Variants in DHTKD1 observed in about 807,000 individuals in gnomAD.
DHTKD1 encodes the protein dehydrogenase E1 and transketolase domain containing 1, also known as 2-oxoadipate dehydrogenase complex component E1.
DHTKD1 carries 78 observed loss-of-function variants against 101.8 expected under a neutral mutation model. The ratio of observed to expected loss-of-function variants is 0.77; its 90% CI spans 0.64 to 0.93. The LOEUF is 0.93. Among genes scored for constraint, DHTKD1 ranks in the 40% least tolerant of loss-of-function variants. The probability of loss-of-function intolerance (pLI) is 0.00; values close to 1 mark genes in which losing one functional copy is unlikely to be tolerated. For synonymous variants in DHTKD1, 462 were observed against 450.3 expected (o/e 1.03, Z -0.33); for missense variants, 1,223 against 1,161.7 (o/e 1.05, Z -0.77).
intron 6 of DHTKD1, 147 bp from the exon 7 acceptor site, chr10:12,093,926 G>C: frequency 1.5e-6 from 1 of 685,926 alleles, no homozygotes; most frequent in Admixed American, 2.4e-5. Context: ...GAACTTGCCA[G>C]CTGGTCTCCA....
intron 1 of DHTKD1, among the ~76,000 whole-genome samples, chr10:12,071,624 G>A (rs12268704): frequency 0.028 from 4,311 of 151,808 alleles, 211 homozygotes; most frequent in African/African-American, 0.099. Context: ...ACAAAAATTA[G>A]CTGGGTGTGG....
intron 4 of DHTKD1, 86 bp from the exon 5 acceptor site, chr10:12,088,900 T>G (rs1832943755): frequency 7.7e-7 from 1 of 1,298,912 alleles, no homozygotes; most frequent in African/African-American, 1.5e-5. Flanking sequence ...TTTTCTTTTT[T>G]GTTGTATGAT....
chr10:12,069,518 CTTTTT>C (rs10691718), intron 1 of DHTKD1, among the ~76,000 whole-genome samples: 45 of 81,520 alleles, frequency 5.5e-4, no homozygotes, highest in East Asian at 7.1e-4. Flanking sequence ...TTTTTGTTTC[CTTTTT>C]TTTTTTTTTT....
intron 7 of DHTKD1, 52 bp from the exon 8 acceptor site, chr10:12,097,632 A>G (rs754088419): frequency 6.0e-6 from 9 of 1,498,606 alleles, no homozygotes; most frequent in South Asian, 1.3e-5. Flanking sequence ...CCTTGTCTCT[A>G]TTAGATTGTT....
At chr10:12,094,808 C>A (rs1212809609) in intron 7 of DHTKD1, among the ~76,000 whole-genome samples, 1 of 151,862 alleles carries the variant, frequency 6.6e-6, no homozygotes, top group Non-Finnish European at 1.5e-5. Context: ...CCTGGCTAAT[C>A]TTTGTATTTT....
intron 13 of DHTKD1, among the ~76,000 whole-genome samples, chr10:12,116,119 C>A (rs765341553): frequency 6.6e-6 from 1 of 151,810 alleles, no homozygotes; most frequent in Non-Finnish European, 1.5e-5. Flanking sequence ...TTAATAGAGA[C>A]GAGGTTTCGC....
rs200646026 is a variant in DHTKD1 at position 12,120,868 on chromosome 10, C to G, written c.2740C>G (p.Leu914Val). The change falls in exon 17 of 17, where the codon CTC (leucine) becomes GTC (valine). Residue 914 changes from leucine to valine, a missense_variant. Leu to Val is a conservative substitution (Grantham distance 32). Coordinates refer to ENST00000263035, the MANE Select transcript of DHTKD1 (RefSeq NM_018706.7). ...TCACTTGCACCAGCATGAAGATATC[C>G]TCGCCAAGACCTTCGCTTGATGATG... ...TVHLHQHEDI[L>V]AKTFA 1.1e-5 allele frequency: 18 copies of G among 1,613,972 alleles called. No homozygotes were observed. In the East Asian group the frequency reaches 3.6e-4, roughly 32 times the overall value.
chr10:12,077,131 A>G (rs890658078), intron 1 of DHTKD1, among the ~76,000 whole-genome samples: 1 of 150,344 alleles, frequency 6.7e-6, no homozygotes, highest in African/African-American at 2.4e-5. Context: ...TACATATACT[A>G]TAAGATGAAA....
At chr10:12,106,512 C>T (rs1257559806) in intron 11 of DHTKD1, 116 bp downstream of exon 11, 8 of 1,329,498 alleles carry the variant, frequency 6.0e-6, no homozygotes, top group South Asian at 1.3e-5. Context: ...TGTGCGGCGG[C>T]GCCTCCAGGG....
At chr10:12,085,773 A>G (rs1588606513) in intron 3 of DHTKD1, among the ~76,000 whole-genome samples, 2 of 152,106 alleles carry the variant, frequency 1.3e-5, no homozygotes, top group East Asian at 3.9e-4. Flanking sequence ...TGTGGTCCCA[A>G]CTACTTGGGA....
chr10:12,118,940 G>A, intron 15 of DHTKD1, 22 bp downstream of exon 15: 1 of 1,481,692 alleles, frequency 6.7e-7, no homozygotes, highest in Non-Finnish European at 9.0e-7. Flanking sequence ...TTCTCATTTG[G>A]GTTTTGATGT....
chr10:12,118,128 T>G (rs1400805069), intron 14 of DHTKD1, among the ~76,000 whole-genome samples: 1 of 151,802 alleles, frequency 6.6e-6, no homozygotes, highest in Non-Finnish European at 1.5e-5. Flanking sequence ...GACCTCAGGT[T>G]ATCCACCCAC....
Position 12,097,999 on chromosome 10 carries a change from G to A in DHTKD1, c.1671+3G>A, listed in dbSNP as rs369606311. On this transcript the variant is annotated splice_donor_region_variant and intron_variant, in intron 8 of 16. Transcript: ENST00000263035. ...ACCTGCTGAAGACACATGTTCAGGTGGGCAGCCTCCAAATGGCTGGTTATT... is the reference window on the plus strand; with the variant it reads ...ACCTGCTGAAGACACATGTTCAGGTAGGCAGCCTCCAAATGGCTGGTTATT... 17 of 1,592,884 alleles carry A rather than the reference G, an allele frequency of 1.1e-5. No homozygotes were observed. The African/African-American group carries it at 1.9e-4, about 18-fold the overall frequency.
intron 1 of DHTKD1, among the ~76,000 whole-genome samples, chr10:12,076,104 C>T (rs1390628233): frequency 1.3e-5 from 2 of 152,094 alleles, no homozygotes; most frequent in African/African-American, 4.8e-5. Flanking sequence ...AGCAGTGCTG[C>T]ATATGCTAGA....
At position 12,110,551 on chromosome 10, in the gene DHTKD1, A is replaced by G. The variant is rs955933961; in HGVS notation, c.2155-2349A>G. On this transcript the variant is annotated intron_variant, in intron 12 of 16. Coordinates refer to ENST00000263035, the MANE Select transcript of DHTKD1 (RefSeq NM_018706.7). This position sits in a 1 kb window ranked among gnomAD's most constrained non-coding sequence, Gnocchi z 4.9. The stretch of plus-strand genomic sequence containing the variant: ...ATGTACAATTGTATATATGAATAGT[A>G]TAAAATGTGATGTTTTGATACAGCT... Among the ~76,000 whole-genome samples the G allele has an allele frequency of 1.3e-5, 2 of 152,224 alleles. No homozygotes were observed. Among genetic ancestry groups the G allele is most frequent in the African/African-American group, 4.8e-5 (2 of 41,452 alleles).
At chr10:12,069,299 C>T in intron 1 of DHTKD1, 112 bp downstream of exon 1, 1 of 205,632 alleles carries the variant, frequency 4.9e-6, no homozygotes. Flanking sequence ...CCTGAACGCG[C>T]GGCCGGTGGG....
Position 12,123,208 on chromosome 10 carries a change from T to A in DHTKD1, c.*2320T>A, listed in dbSNP as rs193124158. 1 of 152,306 alleles carries A rather than the reference T, an allele frequency of 6.6e-6. No homozygotes were observed. The highest frequency in any genetic ancestry group is 1.9e-4 in the East Asian group (1 of 5,188). 9.4% of individuals were successfully genotyped at this position (152,306 alleles called of 1,614,324 possible). A position where few individuals can be genotyped will look rare whatever the true frequency, so the allele number is the denominator to read the frequency against. On this transcript the variant is annotated 3_prime_UTR_variant, in exon 17 of 17. Coordinates refer to ENST00000263035, the MANE Select transcript of DHTKD1 (RefSeq NM_018706.7). ...AACAAGAAAAAAAATAAAAGCACAT[T>A]GTCATTTTTTTTCCTCAGGACTCCT...
In DHTKD1 at chr10:12,100,274, C is replaced by CTTTCTTTTTTCTTTTTTTT. The variant is rs1833140195; in HGVS notation, c.1756+15_1756+16insCTTTTTTCTTTTTTTTTTT. 6.1e-6 allele frequency: 2 copies of CTTTCTTTTTTCTTTTTTTT among 328,160 alleles called. No homozygotes were observed. The highest frequency in any genetic ancestry group is 1.5e-4 in the Admixed American group (2 of 13,490). 20.3% of individuals were successfully genotyped at this position (328,160 alleles called of 1,614,324 possible). ...TTTACTTGCTCAAGGTAAGAATTTT[C>CTTTCTTTTTTCTTTTTTTT]TTTTTTTTTTCTGTTTTTTTTTTTT... On this transcript the variant is annotated intron_variant, in intron 9 of 16. Transcript: ENST00000263035.
intron 15 of DHTKD1, among the ~76,000 whole-genome samples, chr10:12,119,729 T>C (rs1231083385): frequency 1.3e-5 from 2 of 151,576 alleles, no homozygotes; most frequent in Non-Finnish European, 2.9e-5. Flanking sequence ...GCTGGGTTAA[T>C]ACCTAGGTGA....
Sources: allele counts gnomAD v4.1 joint callset (sites outside exome capture counted in the v4.1 genomes callset), GRCh38; gene constraint gnomAD v4.1.1; non-coding constraint Gnocchi (gnomAD v3.1); transcripts MANE v1.5; gene names NCBI Gene and HGNC (gene_info 2026-07-23, HGNC 2026-07-21).